Variants in VPS54 observed in about 807,000 individuals in gnomAD.
The protein encoded by VPS54 is VPS54 subunit of GARP complex, also known as vacuolar protein sorting-associated protein 54.
VPS54 carries 45 observed loss-of-function variants against 121.5 expected under a neutral mutation model. The ratio of observed to expected loss-of-function variants is 0.37; its 90% confidence interval spans 0.29 to 0.47. The LOEUF (loss-of-function observed/expected upper bound fraction) is 0.47. Among genes scored for constraint, VPS54 ranks in the 20% least tolerant of loss-of-function variants. The pLI is 0.99. For synonymous variants in VPS54, 371 were observed against 385.8 expected, an observed-to-expected ratio of 0.96 and a Z score of 0.45; for missense variants, 1,090 against 1,131.4, an observed-to-expected ratio of 0.96 and a Z score of 0.52.
chr2:63,920,708 T>C (rs1673603578), intron 13 of VPS54, 81 bp from the exon 14 acceptor site: 1 of 748,260 alleles, frequency 1.3e-6, no homozygotes, highest in Non-Finnish European at 1.8e-6. Context: ...ACGATTATTA[T>C]AATCTATATA....
At chr2:63,988,007 T>G (rs1194192252) in intron 1 of VPS54, among the ~76,000 whole-genome samples, 1 of 152,014 alleles carries the variant, frequency 6.6e-6, no homozygotes, top group African/African-American at 2.4e-5. Context: ...TTGGATGCTT[T>G]CTTTCTTTCT....
At chr2:63,967,869 G>A (rs560126386) in intron 5 of VPS54, among the ~76,000 whole-genome samples, 3 of 152,206 alleles carry the variant, frequency 2.0e-5, no homozygotes, top group East Asian at 3.9e-4. Context: ...AAGTACCCAT[G>A]TAAAGCTGCC....
intron 20 of VPS54, among the ~76,000 whole-genome samples, chr2:63,908,355 A>G (rs1231733401): frequency 6.6e-6 from 1 of 152,168 alleles, no homozygotes; most frequent in Non-Finnish European, 1.5e-5. Context: ...GATATTCTGG[A>G]AAAGGCAAAA....
chr2:64,005,519 ATT>A (rs1207611839), intron 1 of VPS54, among the ~76,000 whole-genome samples: 1 of 152,210 alleles, frequency 6.6e-6, no homozygotes, highest in Non-Finnish European at 1.5e-5. Flanking sequence ...TGAGATTTCT[ATT>A]GGTGACAAAG....
At chr2:64,013,947 C>A (rs1271821581) in intron 1 of VPS54, among the ~76,000 whole-genome samples, 1 of 151,948 alleles carries the variant, frequency 6.6e-6, no homozygotes, top group African/African-American at 2.4e-5. Flanking sequence ...AATCCCAACA[C>A]TTTGGAAGGC....
chr2:63,947,458 T>C lies in VPS54; in HGVS notation c.1170A>G (p.Leu390=), dbSNP rs747339074. The change falls in exon 9 of 23, where the codon TTA becomes TTG. Residue 390 remains leucine, a synonymous_variant. Transcript: ENST00000272322. ...ERLISLVFGL[L]KQRKLNFLEI... Reference sequence around the variant, plus strand: ...CTAAAAAATTAAGCTTTCTTTGTTTTAAAAGTCCAAATACAAGAGATATTA... The same window carrying C: ...CTAAAAAATTAAGCTTTCTTTGTTTCAAAAGTCCAAATACAAGAGATATTA... 1.3e-6 allele frequency: 2 copies of C among 1,541,904 alleles called. No individual in the cohort carries two copies. The highest frequency in any genetic ancestry group is 1.8e-6 in the Non-Finnish European group (2 of 1,126,230).
chr2:63,903,185 C>A (rs1013256126), intron 20 of VPS54, among the ~76,000 whole-genome samples: 1 of 152,038 alleles, frequency 6.6e-6, no homozygotes, highest in Non-Finnish European at 1.5e-5. Flanking sequence ...AGTGAAACTG[C>A]TGAAAATCAA....
chr2:63,922,703 G>A (rs72808243), intron 12 of VPS54, among the ~76,000 whole-genome samples: 9,783 of 152,158 alleles, frequency 0.064, 413 homozygotes, highest in Middle Eastern at 0.11. Flanking sequence ...CCTCTGCTCC[G>A]ACATTTCTAT....
Position 63,969,002 on chromosome 2 carries a change from A to T in VPS54, c.458-11T>A. 1.3e-6 allele frequency: 2 copies of T among 1,592,062 alleles called. No individual in the cohort carries two copies. Among genetic ancestry groups the T allele is most frequent in the Non-Finnish European group, 1.7e-6 (2 of 1,167,518 alleles). On this transcript the variant is annotated splice_polypyrimidine_tract_variant and intron_variant, in intron 4 of 22. Transcript: ENST00000272322. ...CTGTCCTGGATTTATCTATTTAAAA[A>T]AGAAGGGAAATATTATTTTTAAAAC...
chr2:63,933,538 T>C, intron 12 of VPS54, 135 bp downstream of exon 12: 2 of 754,412 alleles, frequency 2.7e-6, no homozygotes, highest in Non-Finnish European at 4.1e-6. Context: ...AGAGATACGT[T>C]TCATAAAATT....
At chr2:63,976,083 C>CT (rs1423877172) in intron 3 of VPS54, among the ~76,000 whole-genome samples, 1 of 152,050 alleles carries the variant, frequency 6.6e-6, no homozygotes, top group Non-Finnish European at 1.5e-5. Flanking sequence ...GCTAAGAGTT[C>CT]TTTTTTTAAA....
intron 12 of VPS54, among the ~76,000 whole-genome samples, chr2:63,932,458 G>A (rs185992247): frequency 6.6e-6 from 1 of 152,236 alleles, no homozygotes; most frequent in East Asian, 1.9e-4. Flanking sequence ...GCTGAACAAT[G>A]AGAACACGTG....
At chr2:63,990,266 G>A (rs561171532) in intron 1 of VPS54, among the ~76,000 whole-genome samples, 17 of 151,914 alleles carry the variant, frequency 1.1e-4, no homozygotes, top group African/African-American at 2.4e-4. Context: ...TTGGCTTAAC[G>A]TTACCCCCTG....
chr2:63,968,774 A>G (rs1167706779), intron 5 of VPS54, among the ~76,000 whole-genome samples, 183 bp downstream of exon 5: 1 of 151,848 alleles, frequency 6.6e-6, no homozygotes, highest in Non-Finnish European at 1.5e-5. Context: ...CAGAAAAGAC[A>G]GAAGGAAGGA....
chr2:64,017,360 A>C (rs984907478), intron 1 of VPS54, among the ~76,000 whole-genome samples: 2 of 108,366 alleles, frequency 1.8e-5, no homozygotes, highest in Non-Finnish European at 5.0e-5. Context: ...GAAAAGAAAC[A>C]AAAAAAAAGA....
chr2:64,007,911 G>C (rs1339081839), intron 1 of VPS54, among the ~76,000 whole-genome samples: 1 of 151,970 alleles, frequency 6.6e-6, no homozygotes, highest in Non-Finnish European at 1.5e-5. Flanking sequence ...ATTAAGAACA[G>C]TTTCAGGACA....
At chr2:64,018,011 C>A (rs555834429) in intron 1 of VPS54, among the ~76,000 whole-genome samples, 11 of 152,190 alleles carry the variant, frequency 7.2e-5, no homozygotes, top group Middle Eastern at 6.8e-3. Flanking sequence ...ATTAGAACTC[C>A]CCTTCGGATT....
chr2:63,913,591 A>G (rs1673247655), intron 17 of VPS54, among the ~76,000 whole-genome samples: 2 of 152,230 alleles, frequency 1.3e-5, no homozygotes, highest in Non-Finnish European at 1.5e-5. Flanking sequence ...ATTCGGTTTC[A>G]GTCATTCTTG....
intron 16 of VPS54, 62 bp downstream of exon 16, chr2:63,916,838 G>C (rs1019510174): frequency 6.6e-7 from 1 of 1,513,070 alleles, no homozygotes. Context: ...CTTCAAGGGA[G>C]AACTAGAAGA....
Sources: allele counts gnomAD v4.1 joint callset (sites outside exome capture counted in the v4.1 genomes callset), GRCh38; gene constraint gnomAD v4.1.1; transcripts MANE v1.5; gene names NCBI Gene and HGNC (gene_info 2026-07-23, HGNC 2026-07-21).